The following COL25A1 variants were observed in gnomAD, a reference collection of about 807,000 sequenced individuals.
COL25A1 encodes collagen alpha-1(XXV) chain.
In COL25A1, 103 loss-of-function variants were observed where a neutral mutation model predicts 128.4. That is an observed-to-expected ratio of 0.80 (90% CI 0.68 to 0.94). The LOEUF (loss-of-function observed/expected upper bound fraction) is 0.94. COL25A1 is among the 40% of genes least tolerant of loss of function. COL25A1 has a pLI of 0.00. For synonymous variants in COL25A1, 279 were observed against 277.2 expected, an observed-to-expected ratio of 1.01 and a Z score of -0.06; for missense variants, 745 against 840.0, an observed-to-expected ratio of 0.89 and a Z score of 1.40.
At chr4:109,010,304 C>T in intron 6 of COL25A1, 54 bp downstream of exon 6, 1 of 1,334,148 alleles carries the variant, frequency 7.5e-7, no homozygotes, top group Non-Finnish European at 1.0e-6. Flanking sequence ...GAAAGACCTC[C>T]ACACTGGGAA....
At chr4:108,858,350 T>C (rs1333712836) in intron 24 of COL25A1, among the ~76,000 whole-genome samples, 1 of 152,068 alleles carries the variant, frequency 6.6e-6, no homozygotes, top group Non-Finnish European at 1.5e-5. Flanking sequence ...AGGCATGAAG[T>C]AAACAGGATG....
chr4:109,124,088 A>G (rs982433769), intron 3 of COL25A1, among the ~76,000 whole-genome samples: 24 of 152,238 alleles, frequency 1.6e-4, no homozygotes, highest in African/African-American at 5.5e-4. Context: ...GAAAAACTCT[A>G]CTTTCTATTA....
intron 3 of COL25A1, among the ~76,000 whole-genome samples, chr4:109,202,734 C>G (rs979806241): frequency 2.6e-5 from 4 of 152,100 alleles, no homozygotes; most frequent in African/African-American, 9.7e-5. Context: ...ATCTATCGAT[C>G]AATTGATCAT....
At chr4:108,996,276 A>C (rs1466032854) in intron 6 of COL25A1, among the ~76,000 whole-genome samples, 1 of 126,080 alleles carries the variant, frequency 7.9e-6, no homozygotes. Context: ...AGGAAGATCT[A>C]CCAAGCAAAT....
At chr4:109,159,392 T>C (rs1772344746) in intron 3 of COL25A1, among the ~76,000 whole-genome samples, 1 of 152,026 alleles carries the variant, frequency 6.6e-6, no homozygotes, top group Non-Finnish European at 1.5e-5. Flanking sequence ...AAAGGTAACG[T>C]ATATGGGCAA....
At chr4:109,101,264 A>G (rs1765865134) in intron 3 of COL25A1, among the ~76,000 whole-genome samples, 1 of 152,214 alleles carries the variant, frequency 6.6e-6, no homozygotes, top group Non-Finnish European at 1.5e-5. Context: ...GACAGTAATG[A>G]GAGAGGTAGA....
chr4:108,832,046 T>TC (rs1356865355), intron 32 of COL25A1, among the ~76,000 whole-genome samples: 2 of 142,124 alleles, frequency 1.4e-5, no homozygotes, highest in East Asian at 4.0e-4. Flanking sequence ...GAATACATAC[T>TC]CCGGAAATTT....
chr4:108,886,798 T>C (rs1478565922), intron 18 of COL25A1, among the ~76,000 whole-genome samples: 1 of 152,106 alleles, frequency 6.6e-6, no homozygotes, highest in Non-Finnish European at 1.5e-5. Context: ...TTTAGACTTT[T>C]GCTTTTTTCC....
intron 23 of COL25A1, among the ~76,000 whole-genome samples, chr4:108,860,276 G>C (rs1209893632): frequency 2.6e-5 from 4 of 152,016 alleles, no homozygotes; most frequent in African/African-American, 4.8e-5. Flanking sequence ...ATTTTTAGTG[G>C]AGACAGAGTT....
At chr4:108,838,383 A>G (rs953924818) in intron 31 of COL25A1, among the ~76,000 whole-genome samples, 2 of 152,116 alleles carry the variant, frequency 1.3e-5, no homozygotes, top group African/African-American at 2.4e-5. Flanking sequence ...AGAAACCAAA[A>G]CTCCCAAGAA....
intron 29 of COL25A1, among the ~76,000 whole-genome samples, chr4:108,844,857 C>T: frequency 6.6e-6 from 1 of 152,254 alleles, no homozygotes; most frequent in South Asian, 2.1e-4. Flanking sequence ...CTATCAAACT[C>T]AAATATTTCA....
intron 20 of COL25A1, among the ~76,000 whole-genome samples, chr4:108,868,845 A>C (rs1383650758): frequency 1.3e-5 from 2 of 148,190 alleles, no homozygotes; most frequent in Non-Finnish European, 3.0e-5. Context: ...AGGAAGGAAG[A>C]TAGGAAGGAA....
intron 8 of COL25A1, chr4:108,942,377 C>T: frequency 1.0e-6 from 1 of 963,138 alleles, no homozygotes; most frequent in Non-Finnish European, 1.6e-6. Flanking sequence ...TTTCCTGGGA[C>T]TTAGAAGTCT....
Position 109,302,175 on chromosome 4 carries a change from C to T in COL25A1, c.-63G>A. The T allele has an allele frequency of 1.0e-6, 1 of 960,966 alleles. No homozygotes were observed. The highest frequency in any genetic ancestry group is 1.5e-6 in the Non-Finnish European group (1 of 671,366). The allele number at this position is 960,966 out of a possible 1,614,324, so 59.5% of individuals were successfully genotyped here. ...CCCACGAGCGGATACGGACCCCTGC[C>T]TTGCTCAGCGTCCAGACCCGCAGGC... On this transcript the variant is annotated 5_prime_UTR_variant, in exon 1 of 38. Transcript: ENST00000399132.
chr4:109,124,188 C>G (rs945464961), intron 3 of COL25A1, among the ~76,000 whole-genome samples: 4 of 152,022 alleles, frequency 2.6e-5, no homozygotes, highest in African/African-American at 9.6e-5. Flanking sequence ...TTGACAATCC[C>G]TGCTCCTTAT....
At chr4:108,932,401 C>T (rs924076709) in intron 11 of COL25A1, among the ~76,000 whole-genome samples, 6 of 152,144 alleles carry the variant, frequency 3.9e-5, no homozygotes, top group Admixed American at 3.3e-4. Context: ...TATCTGTAAA[C>T]TGTTTGGACA....
chr4:108,845,127 A>G (rs1405744413), intron 29 of COL25A1, 62 bp downstream of exon 29: 1 of 1,359,026 alleles, frequency 7.4e-7, no homozygotes, highest in Non-Finnish European at 1.1e-6. Context: ...GGAATAGGTA[A>G]GTAACATGTC....
At chr4:108,902,539 A>T (rs1742964084) in intron 13 of COL25A1, among the ~76,000 whole-genome samples, 1 of 152,028 alleles carries the variant, frequency 6.6e-6, no homozygotes, top group Non-Finnish European at 1.5e-5. Flanking sequence ...CTTATAAATG[A>T]CTGTCAGAAT....
chr4:109,226,786 C>T (rs980986898), intron 3 of COL25A1, among the ~76,000 whole-genome samples: 1 of 151,948 alleles, frequency 6.6e-6, no homozygotes, highest in Admixed American at 6.6e-5. Context: ...TGGCAGAACA[C>T]GTGATAGGCC....
Sources: allele counts gnomAD v4.1 joint callset (sites outside exome capture counted in the v4.1 genomes callset), GRCh38; gene constraint gnomAD v4.1.1; transcripts MANE v1.5; gene names NCBI Gene and HGNC (gene_info 2026-07-23, HGNC 2026-07-21).